Variants in MYRF observed in about 807,000 individuals in gnomAD.
MYRF encodes the protein myelin gene regulatory factor.
MYRF carries 16 observed loss-of-function variants against 126.3 expected under a neutral mutation model. The observed-to-expected ratio is 0.13, with a 90% CI of 0.09 to 0.19. The LOEUF (loss-of-function observed/expected upper bound fraction) is 0.19, where lower values mean the gene tolerates loss of function less well. Ranked by LOEUF, MYRF falls within the 10% of genes least tolerant of loss-of-function variation. MYRF has a pLI of 1.00. For missense variants in MYRF, 1,104 were observed against 1,547.0 expected (o/e 0.71, Z 4.80); for synonymous variants, 608 against 635.3 (o/e 0.96, Z 0.65).
Position 61,786,587 on chromosome 11 carries a change from A to G in MYRF, c.*444A>G. 5.3e-6 allele frequency: 1 copy of G among 188,164 alleles called. No homozygotes were observed. Among genetic ancestry groups the G allele is most frequent in the South Asian group, 1.1e-4 (1 of 8,722 alleles). The allele number at this position is 188,164 out of a possible 1,614,324, so 11.7% of individuals were successfully genotyped here. A position where few individuals can be genotyped will look rare whatever the true frequency, so the allele number is the denominator to read the frequency against. ...TGAGATCAGCAGGGGGCTCGGATCC[A>G]GCCCTAAGAGACTTGGGTGGACCCC... On this transcript the variant is annotated 3_prime_UTR_variant, in exon 27 of 27. Coordinates refer to ENST00000278836, the MANE Select transcript of MYRF (RefSeq NM_001127392.3). This position sits in a 1 kb window ranked among gnomAD's most constrained non-coding sequence, Gnocchi z 4.5.
At chr11:61,780,539 G>T (rs1294689842) in intron 18 of MYRF, among the ~76,000 whole-genome samples, 173 bp from the exon 19 acceptor site, 3 of 152,180 alleles carry the variant, frequency 2.0e-5, no homozygotes, top group East Asian at 3.9e-4. Flanking sequence ...TGCGAGTCAG[G>T]GCTGTCTGAG....
At chr11:61,785,975 G>C in intron 26 of MYRF, 88 bp from the exon 27 acceptor site, 1 of 1,558,152 alleles carries the variant, frequency 6.4e-7, no homozygotes, top group South Asian at 1.1e-5. Context: ...GTAGGGCTGG[G>C]GGCACAGTGT....
intron 1 of MYRF, among the ~76,000 whole-genome samples, chr11:61,758,950 T>A (rs577625775): frequency 6.6e-6 from 1 of 152,360 alleles, no homozygotes; most frequent in Non-Finnish European, 1.5e-5. Flanking sequence ...GGCATGCCAC[T>A]GTGTGTCAGT....
intron 1 of MYRF, among the ~76,000 whole-genome samples, chr11:61,754,973 G>A (rs185298485): frequency 1.2e-4 from 19 of 152,194 alleles, no homozygotes; most frequent in African/African-American, 3.1e-4. Flanking sequence ...GCGAGGGAGC[G>A]GGAAGTTGTG....
Position 61,776,695 on chromosome 11 carries a change from G to C in MYRF, c.1500-92G>C. On this transcript the variant is annotated intron_variant, in intron 10 of 26. Transcript: ENST00000278836. This position sits in a 1 kb window ranked among gnomAD's most constrained non-coding sequence, Gnocchi z 4.3. ...GGCTCGGGTTCCTCCTCTGTAGGAGGGGGTGAGATGAACATGCATCTGGCC... is the reference window on the plus strand; with the variant it reads ...GGCTCGGGTTCCTCCTCTGTAGGAGCGGGTGAGATGAACATGCATCTGGCC... 1 of 1,042,084 alleles carries C rather than the reference G, an allele frequency of 9.6e-7. No homozygotes were observed. Among genetic ancestry groups the C allele is most frequent in the Non-Finnish European group, 1.4e-6 (1 of 715,340 alleles). 64.6% of individuals were successfully genotyped at this position (1,042,084 alleles called of 1,614,324 possible). A position where few individuals can be genotyped will look rare whatever the true frequency, so the allele number is the denominator to read the frequency against.
Position 61,784,358 on chromosome 11 carries a change from G to C in MYRF, c.3273G>C (p.Gln1091His), listed in dbSNP as rs1270761222. 1 of 1,613,942 alleles carries C rather than the reference G, an allele frequency of 6.2e-7. No individual in the cohort carries two copies. Among genetic ancestry groups the C allele is most frequent in the Non-Finnish European group, 8.5e-7 (1 of 1,180,010 alleles). Residue 1091 changes from glutamine (Q) to histidine (H), a missense_variant, in exon 25 of 27, where the codon CAG (glutamine) becomes CAC (histidine). This residue lies in a region of MYRF where 94 missense variants were observed against 164.6 expected (regional missense o/e 0.57). Transcript: ENST00000278836. The part of the protein sequence containing the change: ...EEPCEEGSLP[Q>H]SLHTHQDTQG... ...CATGTGAGGAGGGGAGCCTTCCACAGAGTCTCCACACCCACCAGGACACCC... is the reference window on the plus strand; with the variant it reads ...CATGTGAGGAGGGGAGCCTTCCACACAGTCTCCACACCCACCAGGACACCC...
Position 61,771,606 on chromosome 11 carries a change from A to G in MYRF, c.847A>G (p.Thr283Ala). The G allele has an allele frequency of 6.2e-7, 1 of 1,613,874 alleles. No homozygotes were observed. The highest frequency in any genetic ancestry group is 8.5e-7 in the Non-Finnish European group (1 of 1,179,982). The change falls in exon 6 of 27, where the codon ACA becomes GCA. Residue 283 changes from threonine (T) to alanine (A), a missense_variant. This residue lies in a region of MYRF where 368 missense variants were observed against 403.9 expected (regional missense o/e 0.91). Coordinates refer to ENST00000278836, the MANE Select transcript of MYRF (RefSeq NM_001127392.3). ...GATCAAACAGGAGCCTGGGACCGTGACAGCCCTGCCTCTGCACCCCACTCG... is the reference window on the plus strand; with the variant it reads ...GATCAAACAGGAGCCTGGGACCGTGGCAGCCCTGCCTCTGCACCCCACTCG... Reference protein sequence around the residue: ...GMIKQEPGTVTALPLHPTRAP... With the variant: ...GMIKQEPGTVAALPLHPTRAP...
At chr11:61,779,720 T>C (rs1309138238) in intron 16 of MYRF, 122 bp from the exon 17 acceptor site, 2 of 1,204,352 alleles carry the variant, frequency 1.7e-6, no homozygotes, top group Non-Finnish European at 2.3e-6. Flanking sequence ...CTCTTTCTTC[T>C]CCCTTTGCCC....
chr11:61,762,796 C>G (rs1019030271), intron 1 of MYRF, among the ~76,000 whole-genome samples: 10 of 152,172 alleles, frequency 6.6e-5, no homozygotes, highest in African/African-American at 2.4e-4. Flanking sequence ...AGCCCCCAAC[C>G]CTCAAACTTC....
At chr11:61,765,479 G>A (rs971156412) in intron 1 of MYRF, 146 bp from the exon 2 acceptor site, 28 of 618,714 alleles carry the variant, frequency 4.5e-5, no homozygotes, top group Middle Eastern at 8.7e-4. Context: ...GGTGAGAGCC[G>A]GCCCCCACAT....
intron 1 of MYRF, chr11:61,755,561 G>C (rs2065727897): frequency 7.8e-7 from 1 of 1,288,826 alleles, no homozygotes; most frequent in African/African-American, 1.5e-5. Context: ...GGACCACTGA[G>C]AGTGGGGTGA....
rs772535193 is a variant in MYRF, at chr11:61,776,353, G to A, written c.1420G>A (p.Val474Met). The A allele has an allele frequency of 5.0e-6, 8 of 1,613,188 alleles. No individual in the cohort carries two copies. Among genetic ancestry groups the A allele is most frequent in the Middle Eastern group, 1.6e-4 (1 of 6,080 alleles). The change falls in exon 10 of 27, where the codon GTG becomes ATG. Residue 474 changes from valine to methionine, a missense_variant. Coordinates refer to ENST00000278836, the MANE Select transcript of MYRF (RefSeq NM_001127392.3). This position sits in a 1 kb window ranked among gnomAD's most constrained non-coding sequence, Gnocchi z 4.3. ...VNLPPEQVTK[V>M]TVGRLHFSET... ...TCTGCCCCCTGAGCAGGTCACGAAG[G>A]TGACTGTGGGGCGGCTGCACTTCAG...
Position 61,766,183 on chromosome 11 carries a change from C to G in MYRF, c.360C>G (p.Pro120=). The change falls in exon 3 of 27, where the codon CCC becomes CCG. Residue 120 remains proline (P), a synonymous_variant. Transcript: ENST00000278836. ...APKPFPGGTG[P]PIKAEPKAPY... ...AGCCCTTCCCGGGGGGCACCGGGCC[C>G]CCCATCAAGGCTGAGCCCAAGGCTC... The G allele has an allele frequency of 1.2e-6, 2 of 1,611,582 alleles. 1 individual carries two copies. The highest frequency in any genetic ancestry group is 4.5e-5 in the East Asian group (2 of 44,860).
chr11:61,785,496 G>GA, intron 25 of MYRF: 1 of 423,152 alleles, frequency 2.4e-6, no homozygotes, highest in East Asian at 4.2e-5. Context: ...TGGGGCTAAT[G>GA]AAATACTTTG....
chr11:61,757,113 C>T lies in MYRF; in HGVS notation c.46+4323C>T, dbSNP rs1178477391. On this transcript the variant is annotated intron_variant, in intron 1 of 26. Coordinates refer to ENST00000278836, the MANE Select transcript of MYRF (RefSeq NM_001127392.3). This position sits in a 1 kb window ranked among gnomAD's most constrained non-coding sequence, Gnocchi z 4.7. ...CACCTTCCTCTTCACGGACCTAGCA[C>T]CTTCCTGGGCCTCAGTTTCTCTCAT... is the stretch of plus-strand genomic sequence containing the variant. 1 of 454,676 alleles carries T rather than the reference C, an allele frequency of 2.2e-6. No homozygotes were observed. The highest frequency in any genetic ancestry group is 2.4e-5 in the Admixed American group (1 of 42,498). The allele number at this position is 454,676 out of a possible 1,614,324, so 28.2% of individuals were successfully genotyped here. A position where few individuals can be genotyped will look rare whatever the true frequency, so the allele number is the denominator to read the frequency against.
chr11:61,774,591 C>T (rs530475200), intron 8 of MYRF, among the ~76,000 whole-genome samples: 5 of 151,716 alleles, frequency 3.3e-5, no homozygotes, highest in Admixed American at 6.6e-5. Context: ...GTGTAAACTC[C>T]CCCACTGCTA....
chr11:61,785,537 C>T (rs1351521585), intron 25 of MYRF: 2 of 539,390 alleles, frequency 3.7e-6, no homozygotes, highest in Non-Finnish European at 6.7e-6. Flanking sequence ...GTGAGGGAAC[C>T]CAGCACAACA....
At position 61,774,171 on chromosome 11, in the gene MYRF, G is replaced by A; in HGVS notation, c.1311+9G>A. 1 of 1,591,986 alleles carries A rather than the reference G, an allele frequency of 6.3e-7. No homozygotes were observed. Among genetic ancestry groups the A allele is most frequent in the East Asian group, 2.3e-5 (1 of 44,254 alleles). On this transcript the variant is annotated intron_variant, in intron 8 of 26. Transcript: ENST00000278836. ...AGCTGCACGGAGTGAAGGCAAGTTT[G>A]GGGCTCAGCAAGGAAGGGAGGGCAG...
At chr11:61,756,995 T>C (rs571214221) in intron 1 of MYRF, 89 of 371,182 alleles carry the variant, frequency 2.4e-4, no homozygotes, top group South Asian at 1.6e-3. Context: ...CCTTGGACTT[T>C]GCCCTCCCTG....
Sources: allele counts gnomAD v4.1 joint callset (sites outside exome capture counted in the v4.1 genomes callset), GRCh38; gene constraint gnomAD v4.1.1; regional missense constraint gnomAD v4.1.1; non-coding constraint Gnocchi (gnomAD v3.1); transcripts MANE v1.5; gene names NCBI Gene and HGNC (gene_info 2026-07-23, HGNC 2026-07-21).